The following ELAPOR2 variants were observed in gnomAD, a reference collection of about 807,000 sequenced individuals.
The protein encoded by ELAPOR2 is endosome/lysosome-associated apoptosis and autophagy regulator family member 2.
In ELAPOR2, 89 loss-of-function variants were observed where a neutral mutation model predicts 120.7. That is an observed-to-expected ratio of 0.74 (90% confidence interval 0.62 to 0.88). The LOEUF (loss-of-function observed/expected upper bound fraction) is 0.88, where lower values mean the gene tolerates loss of function less well. ELAPOR2 is among the 40% of genes least tolerant of loss of function. The pLI is 0.00. For missense variants in ELAPOR2, 1,134 were observed against 1,251.6 expected (o/e 0.91, Z 1.42); for synonymous variants, 444 against 444.9 (o/e 1.00, Z 0.03).
intron 1 of ELAPOR2, among the ~76,000 whole-genome samples, chr7:87,039,462 A>G (rs951323708): frequency 6.6e-6 from 1 of 152,222 alleles, no homozygotes; most frequent in Non-Finnish European, 1.5e-5. Flanking sequence ...AATAAAAAAA[A>G]CTACAGGCCA....
At chr7:87,020,742 T>G (rs1794011922) in intron 1 of ELAPOR2, among the ~76,000 whole-genome samples, 1 of 152,066 alleles carries the variant, frequency 6.6e-6, no homozygotes, top group Admixed American at 6.6e-5. Context: ...AATGATTAAT[T>G]TTATGTTAAA....
intron 1 of ELAPOR2, among the ~76,000 whole-genome samples, chr7:87,035,976 T>C (rs1304468558): frequency 2.6e-5 from 4 of 152,200 alleles, no homozygotes; most frequent in Non-Finnish European, 2.9e-5. Flanking sequence ...CCAAGTATTA[T>C]TTAAAATGGT....
intron 2 of ELAPOR2, among the ~76,000 whole-genome samples, chr7:86,953,617 G>A (rs1359408492): frequency 6.6e-6 from 1 of 152,178 alleles, no homozygotes; most frequent in African/African-American, 2.4e-5. Flanking sequence ...CAAGCAGTAT[G>A]ATAGACAGTT....
intron 1 of ELAPOR2, among the ~76,000 whole-genome samples, chr7:87,044,887 C>T (rs955631545): frequency 6.7e-6 from 1 of 148,384 alleles, no homozygotes; most frequent in African/African-American, 2.6e-5. Flanking sequence ...CCAGAATCTA[C>T]AATGAACTCA....
At chr7:86,913,738 CCT>C (rs1177289364) in intron 13 of ELAPOR2, among the ~76,000 whole-genome samples, 3 of 152,252 alleles carry the variant, frequency 2.0e-5, no homozygotes, top group African/African-American at 7.2e-5. Flanking sequence ...CAGTCCTTTC[CCT>C]AATCAACATA....
chr7:86,912,812 G>GT, intron 14 of ELAPOR2, 129 bp downstream of exon 14: 1 of 1,065,850 alleles, frequency 9.4e-7, no homozygotes, highest in Non-Finnish European at 1.3e-6. Context: ...AACAGAAATG[G>GT]TAAGTAGAAA....
chr7:86,933,772 C>G lies in ELAPOR2; in HGVS notation c.1089+4354G>C, dbSNP rs559896214. On this transcript the variant is annotated intron_variant, in intron 8 of 21. Coordinates refer to ENST00000450689, the MANE Select transcript of ELAPOR2 (RefSeq NM_001142749.3). ...ATTTTTGAGCCATGCTCCCACTTCT[C>G]AATTCCATGACCCTCGAATAAAGCT... is the stretch of plus-strand genomic sequence containing the variant. Among the ~76,000 whole-genome samples, 4 of 152,178 alleles carry G rather than the reference C, an allele frequency of 2.6e-5. 1 individual carries two copies. The South Asian group carries it at 8.3e-4, about 32-fold the overall frequency.
chr7:86,966,340 C>A (rs142843934), intron 1 of ELAPOR2, among the ~76,000 whole-genome samples: 2 of 152,038 alleles, frequency 1.3e-5, no homozygotes, highest in African/African-American at 4.8e-5. Flanking sequence ...TCTTTTCTTT[C>A]GGGGCCCTCA....
rs189280533 is a variant in ELAPOR2 at position 86,906,887 on chromosome 7, T to C, written c.2558+783A>G. On this transcript the variant is annotated intron_variant, in intron 18 of 21. Coordinates refer to ENST00000450689, the MANE Select transcript of ELAPOR2 (RefSeq NM_001142749.3). ...TCTACAAAAAATTTAAAAATAATAA[T>C]AATTTTTAAAATAAAATATAAAGTA... Among the ~76,000 whole-genome samples the C allele has an allele frequency of 6.1e-3, 924 of 151,884 alleles. 13 individuals carry two copies. The highest frequency in any genetic ancestry group is 0.021 in the African/African-American group (868 of 41,510).
intron 2 of ELAPOR2, among the ~76,000 whole-genome samples, chr7:86,955,589 T>C (rs1791438233): frequency 6.6e-6 from 1 of 152,108 alleles, no homozygotes; most frequent in Admixed American, 6.6e-5. Context: ...ATTAAGAAGA[T>C]ATATTAGTAT....
At chr7:86,912,902 G>A (rs762481310) in intron 14 of ELAPOR2, 39 bp downstream of exon 14, 5 of 1,600,494 alleles carry the variant, frequency 3.1e-6, no homozygotes, top group Admixed American at 1.7e-5. Context: ...CTATTAAAAT[G>A]TGCTTTCATG....
chr7:86,930,631 C>A (rs909769042), intron 8 of ELAPOR2, among the ~76,000 whole-genome samples: 1 of 151,920 alleles, frequency 6.6e-6, no homozygotes, highest in Non-Finnish European at 1.5e-5. Flanking sequence ...CCGCAGTTCA[C>A]CTCTTCAGAG....
chr7:86,922,056 C>G (rs1789857866), intron 10 of ELAPOR2, among the ~76,000 whole-genome samples: 1 of 151,482 alleles, frequency 6.6e-6, no homozygotes, highest in South Asian at 2.1e-4. Flanking sequence ...ATTTTTTTTT[C>G]CTATCAACCA....
In ELAPOR2 at chr7:86,944,968, G is replaced by C; in HGVS notation, c.585C>G (p.His195Gln). The change falls in exon 4 of 22, where the codon CAC becomes CAG. Residue 195 changes from histidine (H) to glutamine (Q), a missense_variant. By Grantham distance (24) the His-to-Gln change is conservative. This residue lies in a region of ELAPOR2 where 280 missense variants were observed against 331.5 expected (regional missense o/e 0.84). Transcript: ENST00000450689. ...DCTVSLIYAVHLKKSGYVFFE... is the reference protein window; with the variant it reads ...DCTVSLIYAVQLKKSGYVFFE... ...AGAAGACATAGCCTGACTTCTTAAG[G>C]TGCACAGCATAGATCAAAGACACCG... 6.4e-7 allele frequency: 1 copy of C among 1,550,520 alleles called. No individual in the cohort carries two copies. Among genetic ancestry groups the C allele is most frequent in the Non-Finnish European group, 8.7e-7 (1 of 1,146,288 alleles).
chr7:86,986,515 A>C (rs1340868992), intron 1 of ELAPOR2, among the ~76,000 whole-genome samples: 2 of 146,018 alleles, frequency 1.4e-5, no homozygotes, highest in African/African-American at 2.6e-5. Flanking sequence ...CAGGATACAA[A>C]ATCAACGTGC....
At chr7:86,923,837 A>C (rs141316631) in intron 10 of ELAPOR2, among the ~76,000 whole-genome samples, 99 of 152,240 alleles carry the variant, frequency 6.5e-4, no homozygotes, top group African/African-American at 2.3e-3. Flanking sequence ...ATGAATAAAA[A>C]CTACTTGTCT....
chr7:87,002,359 G>A (rs1793344866), intron 1 of ELAPOR2, among the ~76,000 whole-genome samples: 1 of 152,078 alleles, frequency 6.6e-6, no homozygotes, highest in Non-Finnish European at 1.5e-5. Context: ...GGGAAGATAG[G>A]GCACAGTTGG....
intron 1 of ELAPOR2, among the ~76,000 whole-genome samples, chr7:87,019,115 A>T (rs1044253118): frequency 1.3e-5 from 2 of 152,184 alleles, no homozygotes; most frequent in African/African-American, 4.8e-5. Context: ...AGAAAAAAAT[A>T]TATTTCTAAC....
intron 1 of ELAPOR2, among the ~76,000 whole-genome samples, chr7:87,034,739 T>C (rs1347484377): frequency 6.6e-6 from 1 of 152,166 alleles, no homozygotes; most frequent in African/African-American, 2.4e-5. Flanking sequence ...AAGGGCACTG[T>C]GTTTTTACAC....
Sources: allele counts gnomAD v4.1 joint callset (sites outside exome capture counted in the v4.1 genomes callset), GRCh38; gene constraint gnomAD v4.1.1; regional missense constraint gnomAD v4.1.1; transcripts MANE v1.5; gene names NCBI Gene and HGNC (gene_info 2026-07-23, HGNC 2026-07-21).